TMEM156: variants seen among roughly 807,000 people sequenced by gnomAD.
TMEM156 encodes the protein transmembrane protein 156.
In TMEM156, 28 loss-of-function variants were observed where a neutral mutation model predicts 30.5. The ratio of observed to expected loss-of-function variants is 0.92; its 90% confidence interval spans 0.68 to 1.26. The LOEUF is 1.26. Among genes scored for constraint, TMEM156 ranks in the 50% most tolerant of loss-of-function variants. TMEM156 has a pLI of 0.00. For synonymous variants in TMEM156, 137 were observed against 119.9 expected (o/e 1.14, Z -0.93); for missense variants, 351 against 340.6 (o/e 1.03, Z -0.24).
chr4:38,991,213 TTTTC>T (rs1448876182), intron 3 of TMEM156, among the ~76,000 whole-genome samples: 8 of 142,634 alleles, frequency 5.6e-5, no homozygotes, highest in African/African-American at 2.1e-4. Context: ...TGTCTTTTTC[TTTTC>T]TTTTCTTTTC....
chr4:39,011,683 GA>G (rs1714131499), intron 1 of TMEM156, among the ~76,000 whole-genome samples: 1 of 152,136 alleles, frequency 6.6e-6, no homozygotes, highest in Non-Finnish European at 1.5e-5. Flanking sequence ...CTGAGGCAGA[GA>G]ATTGCTTAAA....
At chr4:38,986,258 T>G in intron 5 of TMEM156, 78 bp downstream of exon 5, 1 of 987,272 alleles carries the variant, frequency 1.0e-6, no homozygotes, top group East Asian at 2.4e-5. Context: ...ATCTCAGATC[T>G]TGAGTTTACT....
chr4:38,976,939 T>C (rs1443018183), intron 5 of TMEM156, among the ~76,000 whole-genome samples: 1 of 152,188 alleles, frequency 6.6e-6, no homozygotes, highest in Non-Finnish European at 1.5e-5. Context: ...AGAGTCTGGC[T>C]CTGTTGCCCA....
chr4:39,016,677 TC>T (rs1201071692), intron 1 of TMEM156, among the ~76,000 whole-genome samples: 2 of 152,252 alleles, frequency 1.3e-5, no homozygotes, highest in Non-Finnish European at 2.9e-5. Context: ...TTTCTAAATT[TC>T]CAAATATATT....
At chr4:39,014,351 A>T (rs943022613) in intron 1 of TMEM156, among the ~76,000 whole-genome samples, 22 of 152,216 alleles carry the variant, frequency 1.4e-4, no homozygotes, top group African/African-American at 5.1e-4. Context: ...AAAGGTTAGG[A>T]AGGGCAGGTA....
chr4:38,978,360 A>G (rs887114169), intron 5 of TMEM156, among the ~76,000 whole-genome samples: 1 of 152,154 alleles, frequency 6.6e-6, no homozygotes, highest in South Asian at 2.1e-4. Flanking sequence ...AACTTACCCA[A>G]CTTTGTTGTA....
In TMEM156 at chr4:39,032,281, C is replaced by T; in HGVS notation, c.33G>A (p.Val11=). MTKTALLKLF[V]AIVITFILIL... The stretch of plus-strand genomic sequence containing the variant: ...TTAAAATGAATGTGATCACTATTGC[C>T]ACAAATAATTTAAGGAGGGCTGTTT... Residue 11 remains valine (V), a synonymous_variant, in exon 1 of 7, where the codon GTG becomes GTA. Transcript: ENST00000381938. The T allele has an allele frequency of 1.2e-6, 2 of 1,610,224 alleles. No individual in the cohort carries two copies. Among genetic ancestry groups the T allele is most frequent in the South Asian group, 1.1e-5 (1 of 90,580 alleles).
At chr4:39,013,567 A>AT (rs1474718115) in intron 1 of TMEM156, among the ~76,000 whole-genome samples, 3 of 151,528 alleles carry the variant, frequency 2.0e-5, no homozygotes, top group African/African-American at 4.8e-5. Context: ...CGCCCAGCTA[A>AT]TTTTTTGTAT....
chr4:39,027,486 T>A (rs1368871922), intron 1 of TMEM156, among the ~76,000 whole-genome samples: 1 of 151,766 alleles, frequency 6.6e-6, no homozygotes, highest in Non-Finnish European at 1.5e-5. Context: ...GTTTGGCTCT[T>A]AAAAGAAAGT....
At chr4:38,994,684 C>T (rs12649861) in intron 2 of TMEM156, among the ~76,000 whole-genome samples, 55,883 of 151,810 alleles carry the variant, frequency 0.37, 10,706 homozygotes, top group East Asian at 0.65. Flanking sequence ...CACGGCGATC[C>T]TGCCTGTAAT....
chr4:38,999,110 ATTTTT>A lies in TMEM156; in HGVS notation c.89-206_89-202del, dbSNP rs34889728. On this transcript the variant is annotated intron_variant, in intron 1 of 6. Coordinates refer to ENST00000381938, the MANE Select transcript of TMEM156 (RefSeq NM_024943.3). Reference sequence around the variant, plus strand: ...TCTATTTCATTATTTTTATTTATTTATTTTTTTTTTTTTTTTTTTTTTTTGAGACT... The same window carrying A: ...TCTATTTCATTATTTTTATTTATTTATTTTTTTTTTTTTTTTTTTGAGACT... 2.7e-3 allele frequency among the ~76,000 whole-genome samples: 282 copies of A among 106,062 alleles called. 1 individual carries two copies. Among genetic ancestry groups the A allele is most frequent in the East Asian group, 0.01 (39 of 3,888 alleles). 69.6% of individuals were successfully genotyped at this position (106,062 alleles called of 152,430 possible). A position where few individuals can be genotyped will look rare whatever the true frequency, so the allele number is the denominator to read the frequency against.
At chr4:38,985,306 A>G (rs1711899500) in intron 5 of TMEM156, among the ~76,000 whole-genome samples, 1 of 152,254 alleles carries the variant, frequency 6.6e-6, no homozygotes, top group Non-Finnish European at 1.5e-5. Flanking sequence ...TCAAATGATT[A>G]TTTAGCTAAT....
chr4:38,976,914 G>GTTGTTGTTC (rs1553876748), intron 5 of TMEM156, among the ~76,000 whole-genome samples: 1 of 151,290 alleles, frequency 6.6e-6, no homozygotes, highest in East Asian at 1.9e-4. Context: ...TGTTGTTGTT[G>GTTGTTGTTC]TTCTTGTTTG....
chr4:38,989,290 A>C (rs1712244235), intron 3 of TMEM156, among the ~76,000 whole-genome samples: 1 of 152,228 alleles, frequency 6.6e-6, no homozygotes, highest in African/African-American at 2.4e-5. Flanking sequence ...ACAACATAGC[A>C]ATCCCAGAAT....
chr4:38,979,378 C>T (rs1054014332), intron 5 of TMEM156, among the ~76,000 whole-genome samples: 4 of 152,146 alleles, frequency 2.6e-5, no homozygotes, highest in African/African-American at 4.8e-5. Flanking sequence ...CTGTGGCTTT[C>T]GCAAAGCTAG....
intron 5 of TMEM156, among the ~76,000 whole-genome samples, chr4:38,972,834 G>C (rs139017884): frequency 1.3e-5 from 2 of 152,094 alleles, no homozygotes; most frequent in East Asian, 3.9e-4. Context: ...AGATTTAGTT[G>C]CTTACTCGAT....
chr4:38,979,757 G>C (rs1203308686), intron 5 of TMEM156, among the ~76,000 whole-genome samples: 1 of 152,180 alleles, frequency 6.6e-6, no homozygotes, highest in Non-Finnish European at 1.5e-5. Context: ...AAAAATGAAG[G>C]AATTCAAGTT....
At chr4:38,976,068 C>G (rs1722836173) in intron 5 of TMEM156, among the ~76,000 whole-genome samples, 1 of 151,894 alleles carries the variant, frequency 6.6e-6, no homozygotes, top group African/African-American at 2.4e-5. Flanking sequence ...GGGAGGATCA[C>G]CCGAGGTCAG....
chr4:39,018,674 A>G (rs1223965502), intron 1 of TMEM156, among the ~76,000 whole-genome samples: 7 of 152,184 alleles, frequency 4.6e-5, no homozygotes, highest in Non-Finnish European at 1.0e-4. Flanking sequence ...GAGCTATCAG[A>G]CTATTGTTCC....
Sources: gnomAD v4.1 joint callset for allele counts (sites outside exome capture counted in the v4.1 genomes callset) on GRCh38, gnomAD v4.1.1 for gene constraint, MANE v1.5 for transcripts, NCBI Gene and HGNC (gene_info 2026-07-23, HGNC 2026-07-21) for gene names.